Variants in FREM1 observed in about 807,000 individuals in gnomAD.
The protein encoded by FREM1 is FRAS1 related extracellular matrix 1, also known as FRAS1-related extracellular matrix protein 1.
FREM1 carries 220 observed loss-of-function variants against 210.1 expected under a neutral mutation model. The observed-to-expected ratio is 1.05, with a 90% CI of 0.94 to 1.17. The LOEUF (loss-of-function observed/expected upper bound fraction) is 1.17. FREM1 is among the 50% of genes most tolerant of loss of function. The pLI is 0.00. For synonymous variants in FREM1, 1,189 were observed against 980.2 expected (o/e 1.21, Z -3.98); for missense variants, 3,454 against 2,675.5 (o/e 1.29, Z -6.42).
chr9:14,764,050 C>T (rs1197447106), intron 27 of FREM1, among the ~76,000 whole-genome samples: 1 of 152,104 alleles, frequency 6.6e-6, no homozygotes, highest in South Asian at 2.1e-4. Context: ...GTGGGAGGGA[C>T]CTGGTGGGAG....
intron 3 of FREM1, among the ~76,000 whole-genome samples, chr9:14,862,988 C>T (rs763170287): frequency 2.6e-5 from 4 of 151,846 alleles, no homozygotes; most frequent in Admixed American, 6.6e-5. Flanking sequence ...TATATATATG[C>T]GTAGGAGAAG....
rs571820889 is a variant in FREM1, at chr9:14,742,873, G to A, written c.6255-2639C>T. Among the ~76,000 whole-genome samples the A allele has an allele frequency of 3.3e-5, 5 of 152,190 alleles. No individual in the cohort carries two copies. In the South Asian group the frequency reaches 1.0e-3, roughly 31 times the overall value. ...TCAGTACACCTATGATGAGAAACCT[G>A]CTATACTTAGGGGACCTGTTTTAGA... On this transcript the variant is annotated intron_variant, in intron 35 of 36. Coordinates refer to ENST00000380880, the MANE Select transcript of FREM1 (RefSeq NM_001379081.2).
In FREM1 at chr9:14,874,657, G is replaced by C. The variant is rs138406726; in HGVS notation, c.-267-5413C>G. ...CTGTGTCTTTTAATTGGAGCATTTA[G>C]TCCATTGACATTTAAACTTAATATT... On this transcript the variant is annotated intron_variant, in intron 1 of 36. Coordinates refer to ENST00000380880, the MANE Select transcript of FREM1 (RefSeq NM_001379081.2). 7.2e-5 allele frequency among the ~76,000 whole-genome samples: 11 copies of C among 152,034 alleles called. No homozygotes were observed. The East Asian group carries it at 1.7e-3, about 24-fold the overall frequency.
rs997535691 is a variant in FREM1 at position 14,836,720 on chromosome 9, T to G, written c.1881+4727A>C. ...AAATGGTGCTGCAAACTGAACCGCA[T>G]GTGGACATGCCATTCTTCCGAGGAC... On this transcript the variant is annotated intron_variant, in intron 10 of 36. Transcript: ENST00000380880. This position sits in a 1 kb window ranked among gnomAD's most constrained non-coding sequence, Gnocchi z 4.9. Among the ~76,000 whole-genome samples the G allele has an allele frequency of 5.3e-5, 8 of 152,286 alleles. No homozygotes were observed. Among genetic ancestry groups the G allele is most frequent in the Admixed American group, 5.2e-4 (8 of 15,300 alleles).
chr9:14,858,439 G>C (rs918296101), intron 4 of FREM1, among the ~76,000 whole-genome samples: 1 of 151,322 alleles, frequency 6.6e-6, no homozygotes, highest in African/African-American at 2.4e-5. Flanking sequence ...GCCTCAAGCA[G>C]TCTTCCTGCC....
At chr9:14,848,060 T>G (rs1827009563) in intron 7 of FREM1, among the ~76,000 whole-genome samples, 1 of 152,244 alleles carries the variant, frequency 6.6e-6, no homozygotes, top group Non-Finnish European at 1.5e-5. Flanking sequence ...TATTTTTTCC[T>G]TAATACTATC....
In FREM1 at chr9:14,842,344, G is replaced by C; in HGVS notation, c.1710C>G (p.Ile570Met). ...NITKPPQAGE[I>M]MKKPGPGLIG... is the part of the protein sequence containing the mutation. ...TCAGTCCTGGCCCTGGCTTCTTCAT[G>C]ATCTCCCCAGCCTGTGGAGGCTTTG... Residue 570 changes from isoleucine (I) to methionine (M), a missense_variant, in exon 9 of 37, where the codon ATC becomes ATG. Ile to Met is a conservative substitution (Grantham distance 10). Transcript: ENST00000380880. 6.3e-7 allele frequency: 1 copy of C among 1,595,682 alleles called. No individual in the cohort carries two copies. Among genetic ancestry groups the C allele is most frequent in the Non-Finnish European group, 8.6e-7 (1 of 1,169,464 alleles).
intron 25 of FREM1, among the ~76,000 whole-genome samples, chr9:14,775,077 A>T (rs1452632687): frequency 6.6e-6 from 1 of 152,182 alleles, no homozygotes; most frequent in African/African-American, 2.4e-5. Context: ...AACATCAAAT[A>T]TGTTTCAGGC....
intron 22 of FREM1, among the ~76,000 whole-genome samples, chr9:14,791,833 T>TGTTTC (rs1412226823): frequency 6.6e-6 from 1 of 150,690 alleles, no homozygotes; most frequent in African/African-American, 2.4e-5. Flanking sequence ...TGTTTTGTTT[T>TGTTTC]GTTTTGTTTT....
chr9:14,896,503 C>T (rs1272411356), intron 1 of FREM1, among the ~76,000 whole-genome samples: 2 of 148,676 alleles, frequency 1.3e-5, no homozygotes, highest in Non-Finnish European at 3.0e-5. Flanking sequence ...TGAGATCGCA[C>T]CACTGCACTC....
chr9:14,746,886 C>T lies in FREM1; in HGVS notation c.6138+37G>A, dbSNP rs780095104. On this transcript the variant is annotated intron_variant, in intron 34 of 36. Coordinates refer to ENST00000380880, the MANE Select transcript of FREM1 (RefSeq NM_001379081.2). ...TATTAGCTTATCATAGAGCACATTG[C>T]GAATAAAGGTGCTTGGCTGCTCAGC... The T allele has an allele frequency of 3.1e-5, 49 of 1,602,904 alleles. No individual in the cohort carries two copies. The African/African-American group carries it at 3.8e-4, about 12-fold the overall frequency.
chr9:14,808,656 C>A lies in FREM1; in HGVS notation c.2894-522G>T, dbSNP rs199561424. Among the ~76,000 whole-genome samples, 3 of 152,050 alleles carry A rather than the reference C, an allele frequency of 2.0e-5. No homozygotes were observed. The East Asian group carries it at 5.8e-4, about 29-fold the overall frequency. The stretch of plus-strand genomic sequence containing the variant: ...CATTTTTGCCATTTCTTTCAATATT[C>A]TTCTTATTATATATTAGCCAGGATG... On this transcript the variant is annotated intron_variant, in intron 16 of 36. Transcript: ENST00000380880.
intron 10 of FREM1, among the ~76,000 whole-genome samples, chr9:14,833,466 C>G (rs994589100): frequency 2.6e-5 from 4 of 152,138 alleles, no homozygotes; most frequent in African/African-American, 9.7e-5. Context: ...TTGTTTGGGT[C>G]GGATCTCTTT....
chr9:14,882,786 T>C (rs969881214), intron 1 of FREM1, among the ~76,000 whole-genome samples: 2 of 151,380 alleles, frequency 1.3e-5, no homozygotes, highest in African/African-American at 4.8e-5. Context: ...TTTATGAACA[T>C]ACTTTCCTCT....
intron 8 of FREM1, among the ~76,000 whole-genome samples, chr9:14,845,168 T>C (rs1404417555): frequency 6.6e-6 from 1 of 152,228 alleles, no homozygotes; most frequent in African/African-American, 2.4e-5. Context: ...AGTGTAAATA[T>C]TACTTTTATT....
intron 13 of FREM1, 133 bp from the exon 14 acceptor site, chr9:14,819,575 G>T: frequency 1.7e-6 from 1 of 597,416 alleles, no homozygotes; most frequent in South Asian, 2.5e-5. Context: ...GTGGTAAGAG[G>T]ATAAGTTCAT....
intron 20 of FREM1, among the ~76,000 whole-genome samples, chr9:14,799,077 G>C (rs1355262868): frequency 6.6e-6 from 1 of 151,560 alleles, no homozygotes; most frequent in African/African-American, 2.4e-5. Context: ...CCAGGAGTTC[G>C]AGACCAGCCT....
chr9:14,819,376 T>G lies in FREM1; in HGVS notation c.2404A>C (p.Ile802Leu). 1 of 1,613,682 alleles carries G rather than the reference T, an allele frequency of 6.2e-7. No individual in the cohort carries two copies. The highest frequency in any genetic ancestry group is 8.5e-7 in the Non-Finnish European group (1 of 1,179,674). Residue 802 changes from isoleucine (I) to leucine (L), a missense_variant, in exon 14 of 37, where the codon ATT becomes CTT. Transcript: ENST00000380880. ...QSIISTEHIL[I>L]SDADTKLDNI... The stretch of plus-strand genomic sequence containing the variant: ...TCCAGCTTGGTATCTGCATCAGAAA[T>G]TAGAATGTGCTCTGTGCTGATGATG...
intron 2 of FREM1, among the ~76,000 whole-genome samples, chr9:14,867,336 A>G (rs1831713529): frequency 1.3e-5 from 2 of 152,234 alleles, no homozygotes; most frequent in South Asian, 2.1e-4. Flanking sequence ...GAATGCAAGT[A>G]TAATTGGGAG....
Sources: gnomAD v4.1 joint callset for allele counts (sites outside exome capture counted in the v4.1 genomes callset) on GRCh38, gnomAD v4.1.1 for gene constraint, Gnocchi (gnomAD v3.1) non-coding constraint, MANE v1.5 for transcripts, NCBI Gene and HGNC (gene_info 2026-07-23, HGNC 2026-07-21) for gene names.